PCDH15: variants seen among roughly 807,000 people sequenced by gnomAD.
The protein encoded by PCDH15 is protocadherin related 15.
PCDH15 carries 129 observed loss-of-function variants against 178.5 expected under a neutral mutation model. That is an observed-to-expected ratio of 0.72 (90% CI 0.63 to 0.84). PCDH15 has a LOEUF of 0.84. Among genes scored for constraint, PCDH15 ranks in the 40% least tolerant of loss-of-function variants. The probability of loss-of-function intolerance (pLI) is 0.00; values close to 1 mark genes in which losing one functional copy is unlikely to be tolerated. For synonymous variants in PCDH15, 800 were observed against 732.0 expected (o/e 1.09, Z -1.50); for missense variants, 2,230 against 2,099.9 (o/e 1.06, Z -1.21).
intron 10 of PCDH15, among the ~76,000 whole-genome samples, chr10:54,205,206 G>A (rs1437151469): frequency 6.6e-6 from 1 of 152,058 alleles, no homozygotes; most frequent in South Asian, 2.1e-4. Context: ...AGGCATTTTA[G>A]CTTCTCTCAC....
intron 2 of PCDH15, among the ~76,000 whole-genome samples, chr10:55,405,600 G>A (rs1337448061): frequency 1.3e-5 from 2 of 151,620 alleles, no homozygotes; most frequent in East Asian, 3.9e-4. Context: ...AACATAATTT[G>A]TATTTCTATA....
chr10:54,985,166 T>A (rs1354767980), intron 2 of PCDH15, among the ~76,000 whole-genome samples: 1 of 152,198 alleles, frequency 6.6e-6, no homozygotes, highest in Non-Finnish European at 1.5e-5. Flanking sequence ...AATAAATTAA[T>A]GTTTAACATT....
chr10:55,322,677 A>T (rs1284617334), upstream of PCDH15, among the ~76,000 whole-genome samples: 4 of 151,950 alleles, frequency 2.6e-5, no homozygotes, highest in Non-Finnish European at 4.4e-5. Flanking sequence ...TACCCTAGAG[A>T]TCTGTGGAAC....
intron 3 of PCDH15, among the ~76,000 whole-genome samples, chr10:54,443,272 G>C (rs2075948736): frequency 6.6e-6 from 1 of 151,380 alleles, no homozygotes; most frequent in Non-Finnish European, 1.5e-5. Context: ...GAAATACATA[G>C]ATTGGGATCT....
intron 2 of PCDH15, among the ~76,000 whole-genome samples, chr10:54,619,862 C>A (rs972550806): frequency 6.6e-6 from 1 of 152,114 alleles, no homozygotes; most frequent in South Asian, 2.1e-4. Context: ...AGTAGGTTCA[C>A]TGATTGTGTT....
intron 2 of PCDH15, 53 bp from the exon 3 acceptor site, chr10:54,527,930 T>G: frequency 1.4e-6 from 2 of 1,397,732 alleles, no homozygotes; most frequent in Non-Finnish European, 2.0e-6. Flanking sequence ...GCACACACAA[T>G]GAGAAAAAAA....
At chr10:54,712,048 T>C (rs1220294218) in intron 1 of PCDH15, among the ~76,000 whole-genome samples, 1 of 151,906 alleles carries the variant, frequency 6.6e-6, no homozygotes, top group Non-Finnish European at 1.5e-5. Flanking sequence ...CAGGTATTTC[T>C]CGTATATACG....
chr10:55,433,707 T>C (rs2132059846), intron 2 of PCDH15, among the ~76,000 whole-genome samples: 1 of 152,334 alleles, frequency 6.6e-6, no homozygotes, highest in Non-Finnish European at 1.5e-5. Context: ...TTTTATATCC[T>C]CTTCTTCCCC....
intron 16 of PCDH15, among the ~76,000 whole-genome samples, chr10:54,082,884 T>A (rs2094456518): frequency 6.6e-6 from 1 of 151,930 alleles, no homozygotes; most frequent in South Asian, 2.1e-4. Context: ...CCAGAATATA[T>A]AAAGGATTAC....
At chr10:54,701,446 A>G (rs545449488) in intron 1 of PCDH15, among the ~76,000 whole-genome samples, 1 of 152,130 alleles carries the variant, frequency 6.6e-6, no homozygotes, top group Admixed American at 6.6e-5. Flanking sequence ...TCATATCTGC[A>G]CATATCAGTA....
chr10:55,386,635 A>C (rs1193641787), intron 2 of PCDH15, among the ~76,000 whole-genome samples: 3 of 152,074 alleles, frequency 2.0e-5, no homozygotes, highest in African/African-American at 7.2e-5. Flanking sequence ...TTCTGAAATA[A>C]CTATCCAGCA....
chr10:55,484,946 T>C (rs12252952), intron 2 of PCDH15, among the ~76,000 whole-genome samples: 59,044 of 151,434 alleles, frequency 0.39, 12,226 homozygotes, highest in East Asian at 0.81. Context: ...AAAAATAACA[T>C]AGGAAAACAC....
chr10:54,984,573 G>A (rs1191326090), intron 2 of PCDH15, among the ~76,000 whole-genome samples: 6 of 152,146 alleles, frequency 3.9e-5, no homozygotes, highest in African/African-American at 7.2e-5. Context: ...GCACAGTGGC[G>A]CATGCCTGTA....
intron 2 of PCDH15, among the ~76,000 whole-genome samples, chr10:54,644,716 T>C (rs1289973084): frequency 6.6e-6 from 1 of 152,148 alleles, no homozygotes; most frequent in Non-Finnish European, 1.5e-5. Context: ...TTTAACATTG[T>C]ATTATGGTTT....
At chr10:53,952,075 G>A (rs888317220) in intron 23 of PCDH15, among the ~76,000 whole-genome samples, 2 of 152,192 alleles carry the variant, frequency 1.3e-5, no homozygotes, top group Non-Finnish European at 2.9e-5. Flanking sequence ...TCCCAAAGAC[G>A]GTGTCATAGC....
chr10:54,164,499 A>T lies in PCDH15; in HGVS notation c.1591-11206T>A, dbSNP rs1164305739. On this transcript the variant is annotated intron_variant, in intron 13 of 37. Coordinates refer to ENST00000644397, the MANE Select transcript of PCDH15 (RefSeq NM_001384140.1). ...TTTACGTGTGTAAACTAATATACCC[A>T]GTTGAATGTATCAACACTTATAAAA... Among the ~76,000 whole-genome samples the T allele has an allele frequency of 2.0e-5, 3 of 152,212 alleles. No homozygotes were observed. In the East Asian group the frequency reaches 5.8e-4, roughly 29 times the overall value.
At chr10:55,050,499 C>A (rs1243207237) in intron 2 of PCDH15, among the ~76,000 whole-genome samples, 1 of 151,858 alleles carries the variant, frequency 6.6e-6, no homozygotes, top group Non-Finnish European at 1.5e-5. Context: ...TAACAAAGTA[C>A]CTTGTATATA....
chr10:54,711,339 T>A (rs1007677833), intron 1 of PCDH15, among the ~76,000 whole-genome samples: 1 of 151,998 alleles, frequency 6.6e-6, no homozygotes, highest in Admixed American at 6.6e-5. Context: ...ATGCTGATAA[T>A]GTGACTAGGT....
chr10:54,693,270 T>C (rs565601104), intron 1 of PCDH15, among the ~76,000 whole-genome samples: 2 of 152,190 alleles, frequency 1.3e-5, no homozygotes, highest in South Asian at 4.2e-4. Flanking sequence ...CTTTCTTTCC[T>C]GAAAGTAAGT....
Sources: allele counts gnomAD v4.1 joint callset (sites outside exome capture counted in the v4.1 genomes callset), GRCh38; gene constraint gnomAD v4.1.1; transcripts MANE v1.5; gene names NCBI Gene and HGNC (gene_info 2026-07-23, HGNC 2026-07-21).